PKD2L1: variants seen among roughly 807,000 people sequenced by gnomAD.
PKD2L1 encodes the protein polycystin-2-like protein 1.
PKD2L1 carries 77 observed loss-of-function variants against 93.0 expected under a neutral mutation model. The ratio of observed to expected loss-of-function variants is 0.83; its 90% CI spans 0.69 to 1.00. PKD2L1 has a LOEUF of 1.00. Ranked by LOEUF, PKD2L1 falls within the 50% of genes least tolerant of loss-of-function variation. The probability of loss-of-function intolerance (pLI) is 0.00; values close to 1 mark genes in which losing one functional copy is unlikely to be tolerated. For synonymous variants in PKD2L1, 390 were observed against 388.0 expected (o/e 1.01, Z -0.06); for missense variants, 977 against 990.9 (o/e 0.99, Z 0.19).
At chr10:100,304,930 T>C (rs1761565542) in intron 2 of PKD2L1, among the ~76,000 whole-genome samples, 1 of 152,204 alleles carries the variant, frequency 6.6e-6, no homozygotes, top group African/African-American at 2.4e-5. Flanking sequence ...AGACTTGGGC[T>C]CTGAGTCTCA....
intron 2 of PKD2L1, among the ~76,000 whole-genome samples, chr10:100,305,216 A>G (rs930375289): frequency 6.7e-6 from 1 of 150,196 alleles, no homozygotes. Flanking sequence ...GGTTCAAGCT[A>G]TTCTCCTGCC....
intron 2 of PKD2L1, among the ~76,000 whole-genome samples, chr10:100,326,262 G>A (rs1246508844): frequency 6.6e-6 from 1 of 152,100 alleles, no homozygotes; most frequent in Non-Finnish European, 1.5e-5. Context: ...TGCCTTATAA[G>A]GCCCCTCATG....
intron 2 of PKD2L1, among the ~76,000 whole-genome samples, chr10:100,328,034 C>A: frequency 6.6e-6 from 1 of 152,158 alleles, no homozygotes; most frequent in East Asian, 1.9e-4. Context: ...CAGAGTATTG[C>A]GGAGCCTAGA....
At chr10:100,314,969 A>AG (rs140917958) in intron 2 of PKD2L1, among the ~76,000 whole-genome samples, 19 of 13,454 alleles carry the variant, frequency 1.4e-3, no homozygotes, top group Admixed American at 2.4e-3. Context: ...GAAAGAAGGA[A>AG]GGAAGGAAGG....
chr10:100,298,744 GC>G lies in PKD2L1; in HGVS notation c.548del (p.Gly183AlafsTer21). ...KWYNNQSLGH[G>X]SHSFIYYENM... ...TCTCATAGTAGATGAAGGAGTGGGA[GC>G]CATGGCCCAGGCTCTGGTTGTTGTA... On this transcript the variant is annotated frameshift_variant, in exon 4 of 16. Transcript: ENST00000318222. LOFTEE classifies it high-confidence loss of function. 6.2e-7 allele frequency: 1 copy of G among 1,613,984 alleles called. No homozygotes were observed. The highest frequency in any genetic ancestry group is 8.5e-7 in the Non-Finnish European group (1 of 1,179,996).
At chr10:100,328,929 T>C (rs1849439024) in intron 2 of PKD2L1, among the ~76,000 whole-genome samples, 1 of 152,232 alleles carries the variant, frequency 6.6e-6, no homozygotes, top group Non-Finnish European at 1.5e-5. Context: ...CCTTTCACCT[T>C]TTCAGCCAAT....
chr10:100,318,485 C>A (rs1849151507), intron 2 of PKD2L1, among the ~76,000 whole-genome samples: 1 of 151,774 alleles, frequency 6.6e-6, no homozygotes, highest in Non-Finnish European at 1.5e-5. Context: ...CTGGCCTCAT[C>A]TACAACAATC....
intron 12 of PKD2L1, 132 bp from the exon 13 acceptor site, chr10:100,290,651 C>T (rs192305321): frequency 1.6e-6 from 1 of 629,742 alleles, no homozygotes; most frequent in African/African-American, 1.8e-5. Flanking sequence ...CCCTTCCCTC[C>T]CAGACTCTGG....
At position 100,297,132 on chromosome 10, in the gene PKD2L1, C is replaced by T; in HGVS notation, c.1033G>A (p.Val345Ile). 6.2e-7 allele frequency: 1 copy of T among 1,614,162 alleles called. No homozygotes were observed. The highest frequency in any genetic ancestry group is 8.5e-7 in the Non-Finnish European group (1 of 1,180,016). ...ACGATAAAGAAGTCCCAGTTGCTGA[C>T]ATAGCGGATCAGCTTGACTGTGCGG... ...QIRTVKLIRY[V>I]SNWDFFIVGC... Residue 345 changes from valine to isoleucine, a missense_variant, in exon 6 of 16, where the codon GTC becomes ATC. By Grantham distance (29) the Val-to-Ile change is conservative. Coordinates refer to ENST00000318222, the MANE Select transcript of PKD2L1 (RefSeq NM_016112.3).
chr10:100,290,207 A>C, intron 13 of PKD2L1, 69 bp from the exon 14 acceptor site: 1 of 1,590,648 alleles, frequency 6.3e-7, no homozygotes, highest in Non-Finnish European at 8.6e-7. Context: ...CTAAAGAGCC[A>C]GGGTTCACAG....
intron 2 of PKD2L1, among the ~76,000 whole-genome samples, chr10:100,310,632 C>T (rs1243356208): frequency 6.6e-6 from 1 of 152,036 alleles, no homozygotes; most frequent in Non-Finnish European, 1.5e-5. Context: ...CCTAAAATTG[C>T]CCTTATAAAA....
chr10:100,298,854 C>T (rs767277061), intron 3 of PKD2L1, 39 bp from the exon 4 acceptor site: 1 of 1,582,986 alleles, frequency 6.3e-7, no homozygotes, highest in Non-Finnish European at 8.6e-7. Flanking sequence ...CCAGCCTCCT[C>T]CTGACCCCCT....
chr10:100,309,545 C>T (rs890765520), intron 2 of PKD2L1, among the ~76,000 whole-genome samples: 17 of 152,138 alleles, frequency 1.1e-4, no homozygotes, highest in African/African-American at 3.9e-4. Flanking sequence ...AGGTATCACA[C>T]CTCTCTGGAT....
intron 2 of PKD2L1, among the ~76,000 whole-genome samples, chr10:100,326,563 G>A (rs910020003): frequency 1.3e-5 from 2 of 152,208 alleles, no homozygotes; most frequent in Admixed American, 6.5e-5. Context: ...AGTACTCTGT[G>A]CTGGTCAGAT....
At chr10:100,317,244 C>G (rs190209964) in intron 2 of PKD2L1, among the ~76,000 whole-genome samples, 14 of 151,972 alleles carry the variant, frequency 9.2e-5, no homozygotes, top group Non-Finnish European at 1.5e-4. Context: ...TTCAAACAAA[C>G]CCCCCAAAAA....
chr10:100,297,399 A>G lies in PKD2L1; in HGVS notation c.939T>C (p.Asn313=), dbSNP rs774224910. Residue 313 remains asparagine, a synonymous_variant, in exon 5 of 16, where the codon AAT becomes AAC. Transcript: ENST00000318222. ...GGGCTCACCTCAGGACACAGAAAAG[A>G]TTGATATTGGCATTGTAGACTGAGA... The part of the protein sequence containing the change: ...IDFSVYNANI[N]LFCVLRLVVE... The G allele has an allele frequency of 1.9e-6, 3 of 1,613,646 alleles. No individual in the cohort carries two copies. The South Asian group carries it at 3.3e-5, about 18-fold the overall frequency.
At chr10:100,317,543 A>G (rs1849127881) in intron 2 of PKD2L1, among the ~76,000 whole-genome samples, 2 of 152,182 alleles carry the variant, frequency 1.3e-5, no homozygotes, top group Admixed American at 1.3e-4. Flanking sequence ...ATCTCAAAAC[A>G]AACAAACAAA....
intron 2 of PKD2L1, among the ~76,000 whole-genome samples, chr10:100,300,748 G>A (rs1310472988): frequency 6.6e-6 from 1 of 152,158 alleles, no homozygotes. Context: ...TTTCTTCAAC[G>A]TAAAATTACT....
At chr10:100,300,835 C>G (rs1479438906) in intron 2 of PKD2L1, among the ~76,000 whole-genome samples, 3 of 141,354 alleles carry the variant, frequency 2.1e-5, no homozygotes, top group Non-Finnish European at 4.5e-5. Flanking sequence ...CTGATTATTA[C>G]TAACATTGTC....
Sources: allele counts gnomAD v4.1 joint callset (sites outside exome capture counted in the v4.1 genomes callset), GRCh38; gene constraint gnomAD v4.1.1; transcripts MANE v1.5; gene names NCBI Gene and HGNC (gene_info 2026-07-23, HGNC 2026-07-21).